The following KLF5 variants were observed in gnomAD, a reference collection of about 807,000 sequenced individuals.
KLF5 encodes the protein Krueppel-like factor 5.
A neutral mutation model predicts 36.9 loss-of-function variants in KLF5; 9 were observed. The observed-to-expected ratio is 0.24, with a 90% confidence interval of 0.15 to 0.43. KLF5 has a LOEUF of 0.43. KLF5 is among the 20% of genes least tolerant of loss of function. The probability of loss-of-function intolerance (pLI) is 1.00; values close to 1 mark genes in which losing one functional copy is unlikely to be tolerated. For missense variants in KLF5, 524 were observed against 599.5 expected, an observed-to-expected ratio of 0.87 and a Z score of 1.31; for synonymous variants, 246 against 241.7, an observed-to-expected ratio of 1.02 and a Z score of -0.17.
chr13:73,073,161 A>G (rs2044734341), intron 3 of KLF5, among the ~76,000 whole-genome samples: 1 of 152,216 alleles, frequency 6.6e-6, no homozygotes, highest in Admixed American at 6.5e-5. Context: ...TACTGTGCAT[A>G]GTGTTTCTGG....
At chr13:73,066,602 AATTT>A (rs1247933121) in intron 3 of KLF5, among the ~76,000 whole-genome samples, 1 of 152,228 alleles carries the variant, frequency 6.6e-6, no homozygotes, top group Admixed American at 6.5e-5. Context: ...TTTTAAAAAT[AATTT>A]AGGCAATGAA....
chr13:73,059,512 C>T lies in KLF5; in HGVS notation c.185C>T (p.Pro62Leu). 1 of 1,208,710 alleles carries T rather than the reference C, an allele frequency of 8.3e-7. No individual in the cohort carries two copies. The highest frequency in any genetic ancestry group is 3.5e-5 in the East Asian group (1 of 28,220). 74.9% of individuals were successfully genotyped at this position (1,208,710 alleles called of 1,614,324 possible). A position where few individuals can be genotyped will look rare whatever the true frequency, so the allele number is the denominator to read the frequency against. Residue 62 changes from proline to leucine, a missense_variant, in exon 1 of 4, where the codon CCC (proline) becomes CTC (leucine). Pro to Leu is a moderately conservative substitution (Grantham distance 98). Transcript: ENST00000377687. ...KHAHHRPQAQ[P>L]APAQAPQPAQ... is the part of the protein sequence containing the mutation. Reference sequence around the variant, plus strand: ...GCGCACCACCGCCCGCAGGCGCAGCCCGCGCCCGCGCAGGCCCCGCAGCCG... The same window carrying T: ...GCGCACCACCGCCCGCAGGCGCAGCTCGCGCCCGCGCAGGCCCCGCAGCCG...
chr13:73,072,296 A>C (rs2044727920), intron 3 of KLF5, among the ~76,000 whole-genome samples: 1 of 152,208 alleles, frequency 6.6e-6, no homozygotes, highest in South Asian at 2.1e-4. Context: ...TGTTCCACTA[A>C]CCCACTGAAA....
intron 1 of KLF5, chr13:73,059,832 TG>T: frequency 1.1e-6 from 1 of 946,914 alleles, no homozygotes; most frequent in Non-Finnish European, 1.3e-6. Context: ...CGGGTCGGCC[TG>T]GGAGAGGTAA....
intron 3 of KLF5, among the ~76,000 whole-genome samples, chr13:73,075,428 C>T (rs1025940634): frequency 2.6e-5 from 4 of 152,068 alleles, no homozygotes; most frequent in African/African-American, 4.8e-5. Context: ...GGCACTGATT[C>T]GTTTTGTACT....
At chr13:73,064,705 A>G (rs1023771783) in intron 3 of KLF5, among the ~76,000 whole-genome samples, 5 of 151,948 alleles carry the variant, frequency 3.3e-5, no homozygotes, top group African/African-American at 4.8e-5. Flanking sequence ...CACCATGCCC[A>G]GTTGATTTTT....
chr13:73,071,005 A>G (rs1374501025), intron 3 of KLF5, among the ~76,000 whole-genome samples: 1 of 152,208 alleles, frequency 6.6e-6, no homozygotes, highest in African/African-American at 2.4e-5. Flanking sequence ...AGAATAACTG[A>G]GTTGTTTTCA....
At chr13:73,073,401 C>T (rs1207035531) in intron 3 of KLF5, among the ~76,000 whole-genome samples, 1 of 152,120 alleles carries the variant, frequency 6.6e-6, no homozygotes, top group Non-Finnish European at 1.5e-5. Flanking sequence ...AAATTGAGAG[C>T]AAAACCCCAA....
chr13:73,060,986 G>C (rs188695899), intron 1 of KLF5, among the ~76,000 whole-genome samples: 1 of 152,254 alleles, frequency 6.6e-6, no homozygotes, highest in Admixed American at 6.5e-5. Flanking sequence ...GCTTTTTACA[G>C]AGTAGGGGGG....
At chr13:73,060,910 G>A (rs1452057014) in intron 1 of KLF5, among the ~76,000 whole-genome samples, 2 of 152,196 alleles carry the variant, frequency 1.3e-5, no homozygotes, top group East Asian at 3.8e-4. Flanking sequence ...CGTTTGAAAA[G>A]TATTTGGTTA....
At chr13:73,066,864 G>A (rs9543221) in intron 3 of KLF5, among the ~76,000 whole-genome samples, 125,514 of 152,172 alleles carry the variant, frequency 0.82, 53,982 homozygotes, top group East Asian at 0.96. Context: ...ACAAAGTTCT[G>A]TCTTCTTTGT....
intron 3 of KLF5, among the ~76,000 whole-genome samples, chr13:73,069,606 A>G (rs1165854461): frequency 6.6e-6 from 1 of 152,098 alleles, no homozygotes; most frequent in Non-Finnish European, 1.5e-5. Flanking sequence ...TTCAGACCCC[A>G]GGAAAGGTAT....
chr13:73,061,873 A>G lies in KLF5; in HGVS notation c.274A>G (p.Met92Val). Reference sequence around the variant, plus strand: ...TCTTCTTTTTTAGACAAGATGTGAAATGGAGAAGTATCTGACACCTCAGCT... The same window carrying G: ...TCTTCTTTTTTAGACAAGATGTGAAGTGGAGAAGTATCTGACACCTCAGCT... The part of the protein sequence containing the change: ...PEDLVQTRCE[M>V]EKYLTPQLPP... Residue 92 changes from methionine (M) to valine (V), a missense_variant, in exon 2 of 4, where the codon ATG (methionine) becomes GTG (valine). Around this residue, in one of 4 missense-constraint regions of KLF5, gnomAD observed 454 missense variants for 458.1 expected, o/e 0.99. Transcript: ENST00000377687. 2 of 1,609,902 alleles carry G rather than the reference A, an allele frequency of 1.2e-6. No homozygotes were observed. Among genetic ancestry groups the G allele is most frequent in the Non-Finnish European group, 1.7e-6 (2 of 1,176,546 alleles).
intron 1 of KLF5, among the ~76,000 whole-genome samples, chr13:73,060,138 C>T (rs1020054799): frequency 6.4e-5 from 8 of 125,978 alleles, no homozygotes; most frequent in Non-Finnish European, 1.3e-4. Context: ...AAGGTTGTGT[C>T]GGAGCGCTTA....
intron 3 of KLF5, among the ~76,000 whole-genome samples, chr13:73,068,573 A>G (rs1008677844): frequency 6.6e-6 from 1 of 151,608 alleles, no homozygotes; most frequent in Non-Finnish European, 1.5e-5. Flanking sequence ...GCGTGGTGGC[A>G]CATGCCTGTA....
chr13:73,064,805 G>C (rs2044667712), intron 3 of KLF5, among the ~76,000 whole-genome samples: 1 of 152,112 alleles, frequency 6.6e-6, no homozygotes, highest in African/African-American at 2.4e-5. Context: ...GCCTCCCAAA[G>C]TGCTGGGATT....
intron 3 of KLF5, among the ~76,000 whole-genome samples, chr13:73,067,557 AG>A (rs934202081): frequency 4.6e-5 from 7 of 152,196 alleles, no homozygotes; most frequent in Non-Finnish European, 1.0e-4. Flanking sequence ...TTGGGAAATC[AG>A]GGTACGGTAA....
At chr13:73,064,089 T>G (rs2044661714) in intron 3 of KLF5, among the ~76,000 whole-genome samples, 2 of 151,318 alleles carry the variant, frequency 1.3e-5, no homozygotes, top group South Asian at 4.2e-4. Context: ...TGATGTTCCC[T>G]CACTAAGGCC....
intron 2 of KLF5, among the ~76,000 whole-genome samples, chr13:73,063,545 G>A (rs2044656298): frequency 6.6e-6 from 1 of 152,156 alleles, no homozygotes; most frequent in African/African-American, 2.4e-5. Context: ...TAATACGGAA[G>A]TACAGCACCT....
Sources: gnomAD v4.1 joint callset for allele counts (sites outside exome capture counted in the v4.1 genomes callset) on GRCh38, gnomAD v4.1.1 for gene constraint, gnomAD v4.1.1 regional missense constraint, MANE v1.5 for transcripts, NCBI Gene and HGNC (gene_info 2026-07-23, HGNC 2026-07-21) for gene names.